NDRG1: variants seen among roughly 807,000 people sequenced by gnomAD.
NDRG1 encodes protein NDRG1.
In NDRG1, 32 loss-of-function variants were observed where a neutral mutation model predicts 56.9. That is an observed-to-expected ratio of 0.56 (90% CI 0.42 to 0.76). NDRG1 has a LOEUF of 0.76. Ranked by LOEUF, NDRG1 falls within the 30% of genes least tolerant of loss-of-function variation. NDRG1 has a pLI of 0.00. For missense variants in NDRG1, 507 were observed against 545.7 expected, an observed-to-expected ratio of 0.93 and a Z score of 0.71; for synonymous variants, 211 against 204.1, an observed-to-expected ratio of 1.03 and a Z score of -0.29.
intron 14 of NDRG1, among the ~76,000 whole-genome samples, chr8:133,244,019 T>C (rs1243958023): frequency 1.3e-5 from 2 of 152,212 alleles, no homozygotes; most frequent in Non-Finnish European, 2.9e-5. Flanking sequence ...ATCTCCTCCA[T>C]GTCCCTCTGC....
At chr8:133,264,279 T>G (rs928115759) in intron 4 of NDRG1, among the ~76,000 whole-genome samples, 1 of 152,264 alleles carries the variant, frequency 6.6e-6, no homozygotes, top group Admixed American at 6.5e-5. Context: ...GAAAACCATA[T>G]GCGTGCATTA....
intron 2 of NDRG1, among the ~76,000 whole-genome samples, chr8:133,282,638 C>T (rs1437245948): frequency 6.6e-6 from 1 of 152,178 alleles, no homozygotes; most frequent in East Asian, 1.9e-4. Flanking sequence ...GCATAGTATA[C>T]AGTAGGGGTT....
chr8:133,288,599 C>G (rs1858260775), intron 1 of NDRG1, among the ~76,000 whole-genome samples: 1 of 152,174 alleles, frequency 6.6e-6, no homozygotes, highest in African/African-American at 2.4e-5. Flanking sequence ...CAGCTCCTGC[C>G]CTCCCTCTGC....
In NDRG1 at chr8:133,262,074, T is replaced by C; in HGVS notation, c.299A>G (p.Gln100Arg). Residue 100 changes from glutamine to arginine, a missense_variant, in exon 5 of 16, where the codon CAG becomes CGG. Gln to Arg is a conservative substitution (Grantham distance 43). Transcript: ENST00000323851. Reference protein sequence around the residue: ...AVCHVDAPGQQDGAASFPAGY... With the variant: ...AVCHVDAPGQRDGAASFPAGY... ...TGCGGGGAAGGAGGCTGCGCCGTCC[T>C]GCTGGCCAGGGGCGTCCACGTGGCA... 1 of 1,613,898 alleles carries C rather than the reference T, an allele frequency of 6.2e-7. No individual in the cohort carries two copies. The highest frequency in any genetic ancestry group is 8.5e-7 in the Non-Finnish European group (1 of 1,179,850).
intron 9 of NDRG1, among the ~76,000 whole-genome samples, chr8:133,254,232 T>C (rs1856241616): frequency 6.6e-6 from 1 of 152,226 alleles, no homozygotes; most frequent in South Asian, 2.1e-4. Flanking sequence ...CTTGGAGTGA[T>C]GGAGACGTTA....
At chr8:133,293,155 C>A (rs573291873) in intron 1 of NDRG1, among the ~76,000 whole-genome samples, 12 of 152,322 alleles carry the variant, frequency 7.9e-5, no homozygotes, top group Admixed American at 7.8e-4. Context: ...CCTCTGCAGC[C>A]GCCTTCCTGT....
chr8:133,250,689 C>T lies in NDRG1; in HGVS notation c.595-146G>A, dbSNP rs1007665410. The T allele has an allele frequency of 3.5e-5, 26 of 747,426 alleles. No homozygotes were observed. In the African/African-American group the frequency reaches 3.9e-4, roughly 11 times the overall value. The allele number at this position is 747,426 out of a possible 1,614,324, so 46.3% of individuals were successfully genotyped here. A position where few individuals can be genotyped will look rare whatever the true frequency, so the allele number is the denominator to read the frequency against. Reference sequence around the variant, plus strand: ...GACAGCGACGGACCTAAAAAAAAAACCTTTGGGAAAGCAACACGCCCAACC... The same window carrying T: ...GACAGCGACGGACCTAAAAAAAAAATCTTTGGGAAAGCAACACGCCCAACC... On this transcript the variant is annotated intron_variant, in intron 9 of 15. Transcript: ENST00000323851.
chr8:133,262,017 G>A (rs1322071425), intron 5 of NDRG1, 30 bp downstream of exon 5: 2 of 1,593,156 alleles, frequency 1.3e-6, no homozygotes, highest in African/African-American at 2.7e-5. Context: ...TTTCCACCCT[G>A]TAGAGCTCAT....
chr8:133,286,455 T>C (rs1342171585), intron 1 of NDRG1, among the ~76,000 whole-genome samples: 1 of 152,118 alleles, frequency 6.6e-6, no homozygotes, highest in Admixed American at 6.5e-5. Flanking sequence ...ATGTCCACCT[T>C]CCCCGTTTCC....
In NDRG1 at chr8:133,239,110, G is replaced by C; in HGVS notation, c.953C>G (p.Ala318Gly). The change falls in exon 16 of 16, where the codon GCT (alanine) becomes GGT (glycine). Residue 318 changes from alanine (A) to glycine (G), a missense_variant. Physicochemically the swap from Ala to Gly is moderately conservative, Grantham distance 60. Transcript: ENST00000323851. ...FVQGMGYMPS[A>G]SMTRLMRSRT... Reference sequence around the variant, plus strand: ...GGACCGCATCAGGCGGGTCATGCTAGCCGAGGGCACTAGGGGAACAAGAGA... The same window carrying C: ...GGACCGCATCAGGCGGGTCATGCTACCCGAGGGCACTAGGGGAACAAGAGA... 6.4e-7 allele frequency: 1 copy of C among 1,557,532 alleles called. No individual in the cohort carries two copies. Among genetic ancestry groups the C allele is most frequent in the Non-Finnish European group, 8.7e-7 (1 of 1,150,278 alleles).
intron 3 of NDRG1, among the ~76,000 whole-genome samples, chr8:133,274,174 A>G (rs1857339260): frequency 1.3e-5 from 2 of 152,346 alleles, no homozygotes; most frequent in Non-Finnish European, 1.5e-5. Flanking sequence ...AGGCGATGCC[A>G]GTGATGGAGA....
intron 1 of NDRG1, among the ~76,000 whole-genome samples, chr8:133,289,064 C>CT (rs561905568): frequency 6.5e-4 from 99 of 152,258 alleles, no homozygotes; most frequent in African/African-American, 1.9e-3. Flanking sequence ...TATCGAATCT[C>CT]TTTTTAAAAA....
chr8:133,264,671 C>G lies in NDRG1; in HGVS notation c.100-19G>C, dbSNP rs774645780. On this transcript the variant is annotated intron_variant, in intron 3 of 15. Coordinates refer to ENST00000323851, the MANE Select transcript of NDRG1 (RefSeq NM_006096.4). ...CCTGCTCCTGAGGAGACACAGCAGA[C>G]AGTGGGCTGGTCATGTGGGGTTCAT... 6.8e-6 allele frequency: 11 copies of G among 1,607,568 alleles called. No individual in the cohort carries two copies. The South Asian group carries it at 1.2e-4, about 18-fold the overall frequency.
rs570291930 is a variant in NDRG1 at position 133,262,059 on chromosome 8, G to C, written c.314C>G (p.Ser105Cys). 2 of 1,612,514 alleles carry C rather than the reference G, an allele frequency of 1.2e-6. No individual in the cohort carries two copies. Among genetic ancestry groups the C allele is most frequent in the African/African-American group, 2.7e-5 (2 of 74,960 alleles). The change falls in exon 5 of 16, where the codon TCC (serine) becomes TGC (cysteine). Residue 105 changes from serine to cysteine, a missense_variant. By Grantham distance (112) the Ser-to-Cys change is moderately radical (BLOSUM62 -1). Transcript: ENST00000323851. Reference protein sequence around the residue: ...DAPGQQDGAASFPAGYMYPSM... With the variant: ...DAPGQQDGAACFPAGYMYPSM... ...AGAGGCCTCTCACCCTGCGGGGAAG[G>C]AGGCTGCGCCGTCCTGCTGGCCAGG...
intron 11 of NDRG1, 130 bp from the exon 12 acceptor site, chr8:133,248,056 T>C (rs1244134490): frequency 7.3e-6 from 6 of 821,548 alleles, no homozygotes; most frequent in Admixed American, 3.8e-5. Flanking sequence ...CCCTTTGCTC[T>C]TTTACTTCAT....
intron 9 of NDRG1, among the ~76,000 whole-genome samples, chr8:133,251,231 G>T (rs138864007): frequency 1.6e-3 from 241 of 152,304 alleles, no homozygotes; most frequent in African/African-American, 5.6e-3. Context: ...TGTTTGCTCT[G>T]TTTCTCATTT....
At position 133,297,198 on chromosome 8, in the gene NDRG1, A is replaced by C. The variant is rs1858833317; in HGVS notation, c.-83T>G. 1 of 152,154 alleles carries C rather than the reference A, an allele frequency of 6.6e-6. No individual in the cohort carries two copies. Among genetic ancestry groups the C allele is most frequent in the Non-Finnish European group, 1.5e-5 (1 of 68,064 alleles). 9.4% of individuals were successfully genotyped at this position (152,154 alleles called of 1,614,324 possible). ...GCGGCCCAGCGCCCCGCGGAAGCCGAGGGCGGATGGTGAACTGACGAGCTT... is the reference window on the plus strand; with the variant it reads ...GCGGCCCAGCGCCCCGCGGAAGCCGCGGGCGGATGGTGAACTGACGAGCTT... On this transcript the variant is annotated 5_prime_UTR_variant, in exon 1 of 16. Transcript: ENST00000323851.
At position 133,259,184 on chromosome 8, in the gene NDRG1, C is replaced by T. The variant is rs200593999; in HGVS notation, c.373G>A (p.Val125Ile). ...CGCTCTTACCCAAACTGTTGAAGGA[C>T]TCCAGGAAGCATTTCAGCCAGCTGA... ...MDQLAEMLPGVLQQFGLKSII... is the reference protein window; with the variant it reads ...MDQLAEMLPGILQQFGLKSII... Residue 125 changes from valine (V) to isoleucine (I), a missense_variant, in exon 6 of 16, where the codon GTC (valine) becomes ATC (isoleucine). Transcript: ENST00000323851. 35 of 1,614,252 alleles carry T rather than the reference C, an allele frequency of 2.2e-5. No individual in the cohort carries two copies. The East Asian group carries it at 6.2e-4, about 29-fold the overall frequency.
intron 9 of NDRG1, among the ~76,000 whole-genome samples, chr8:133,253,447 G>A (rs1003513990): frequency 5.9e-5 from 9 of 152,222 alleles, no homozygotes; most frequent in African/African-American, 2.2e-4. Context: ...CATAAACTGG[G>A]AATGAGAACA....
Sources: allele counts gnomAD v4.1 joint callset (sites outside exome capture counted in the v4.1 genomes callset), GRCh38; gene constraint gnomAD v4.1.1; transcripts MANE v1.5; gene names NCBI Gene and HGNC (gene_info 2026-07-23, HGNC 2026-07-21).